ARAP2: variants seen among roughly 807,000 people sequenced by gnomAD.
ARAP2 encodes ArfGAP with RhoGAP domain, ankyrin repeat and PH domain 2.
In ARAP2, 148 loss-of-function variants were observed where a neutral mutation model predicts 194.5. The observed-to-expected ratio is 0.76, with a 90% confidence interval of 0.67 to 0.87. ARAP2 has a LOEUF of 0.87. Ranked by LOEUF, ARAP2 falls within the 40% of genes least tolerant of loss-of-function variation. The probability of loss-of-function intolerance (pLI) is 0.00; values close to 1 mark genes in which losing one functional copy is unlikely to be tolerated. For synonymous variants in ARAP2, 695 were observed against 683.5 expected (o/e 1.02, Z -0.26); for missense variants, 2,128 against 1,989.7 (o/e 1.07, Z -1.32).
chr4:36,194,814 T>C (rs954205897), intron 6 of ARAP2, among the ~76,000 whole-genome samples: 1 of 152,156 alleles, frequency 6.6e-6, no homozygotes, highest in Non-Finnish European at 1.5e-5. Context: ...AATAAGAACA[T>C]GTAAATTTAC....
chr4:36,027,874 G>T (rs1374890791), intron 5 of ARAP2, among the ~76,000 whole-genome samples: 1 of 152,140 alleles, frequency 6.6e-6, no homozygotes, highest in African/African-American at 2.4e-5. Context: ...TTAAGTGAGG[G>T]TGCCTTTTAA....
intron 5 of ARAP2, among the ~76,000 whole-genome samples, chr4:36,038,897 A>G (rs1157684502): frequency 6.6e-6 from 1 of 152,202 alleles, no homozygotes; most frequent in Non-Finnish European, 1.5e-5. Context: ...TTTTGCATTT[A>G]TTTTAATTTT....
intron 28 of ARAP2, among the ~76,000 whole-genome samples, chr4:36,084,706 G>C (rs770895016): frequency 1.3e-5 from 2 of 152,032 alleles, no homozygotes; most frequent in Non-Finnish European, 2.9e-5. Context: ...AAAGCAAATA[G>C]GTTAGGAGGA....
At chr4:36,234,304 C>T (rs1351507041) in intron 1 of ARAP2, among the ~76,000 whole-genome samples, 1 of 152,206 alleles carries the variant, frequency 6.6e-6, no homozygotes, top group Non-Finnish European at 1.5e-5. Flanking sequence ...TGTGTCCTCA[C>T]ATGGCAGAAG....
At chr4:36,044,590 GT>G (rs1721491668) in intron 5 of ARAP2, among the ~76,000 whole-genome samples, 1 of 152,110 alleles carries the variant, frequency 6.6e-6, no homozygotes, top group Non-Finnish European at 1.5e-5. Flanking sequence ...ACCTGAAACT[GT>G]AGAGGAAAAC....
chr4:36,155,329 T>C lies in ARAP2; in HGVS notation c.2752+3401A>G, dbSNP rs577864094. Among the ~76,000 whole-genome samples, 117 of 152,248 alleles carry C rather than the reference T, an allele frequency of 7.7e-4. No homozygotes were observed. The South Asian group carries it at 0.024, about 31-fold the overall frequency. On this transcript the variant is annotated intron_variant, in intron 15 of 32. Transcript: ENST00000303965. The stretch of plus-strand genomic sequence containing the variant: ...AGTGGTAGGACAAACATACACAGCA[T>C]CCTATGAAAGAGAAGGGCTGGCAGT...
chr4:36,159,402 G>A lies in ARAP2; in HGVS notation c.2546C>T (p.Thr849Ile). The change falls in exon 14 of 33, where the codon ACC (threonine) becomes ATC (isoleucine). Residue 849 changes from threonine (T) to isoleucine (I), a missense_variant. Coordinates refer to ENST00000303965, the MANE Select transcript of ARAP2 (RefSeq NM_015230.4). ...MCATGDPVHSTPYLLAKKAGQ... is the reference protein window; with the variant it reads ...MCATGDPVHSIPYLLAKKAGQ... The stretch of plus-strand genomic sequence containing the variant: ...AGCTTTCTTGGCTAGCAGATAGGGG[G>A]TGCTATGCACGGGGTCTCCGGTGGC... 2 of 1,611,568 alleles carry A rather than the reference G, an allele frequency of 1.2e-6. No individual in the cohort carries two copies. Among genetic ancestry groups the A allele is most frequent in the Non-Finnish European group, 1.7e-6 (2 of 1,178,368 alleles).
At chr4:36,168,594 G>A (rs1047358756) in intron 9 of ARAP2, among the ~76,000 whole-genome samples, 3 of 152,112 alleles carry the variant, frequency 2.0e-5, no homozygotes, top group Non-Finnish European at 2.9e-5. Context: ...GTTTCCAGAC[G>A]CAAATTGTGG....
chr4:36,022,752 G>A (rs762690979), intron 5 of ARAP2, among the ~76,000 whole-genome samples: 11 of 152,012 alleles, frequency 7.2e-5, no homozygotes, highest in Non-Finnish European at 1.5e-4. Context: ...CAGACTAAAG[G>A]GTTCAGAAGG....
rs528494312 is a variant in ARAP2, at chr4:36,135,593, C to T, written c.3264-2204G>A. ...TTGCACTAATACACCTGACATGCTA[C>T]AGCCTTTTCATTGATCTTATATCAT... On this transcript the variant is annotated intron_variant, in intron 19 of 32. Transcript: ENST00000303965. 1.4e-4 allele frequency among the ~76,000 whole-genome samples: 21 copies of T among 151,888 alleles called. No homozygotes were observed. In the South Asian group the frequency reaches 2.9e-3, roughly 21 times the overall value.
chr4:36,081,752 G>A (rs1049823483), intron 30 of ARAP2, among the ~76,000 whole-genome samples: 1 of 151,774 alleles, frequency 6.6e-6, no homozygotes, highest in South Asian at 2.1e-4. Context: ...AGGTGGAGGA[G>A]GGGCACAAGG....
rs2109319198 is a variant in ARAP2, at chr4:36,073,795, C to T, written c.4637G>A (p.Gly1546Glu). The T allele has an allele frequency of 6.2e-7, 1 of 1,613,102 alleles. No individual in the cohort carries two copies. The highest frequency in any genetic ancestry group is 2.2e-5 in the East Asian group (1 of 44,860). ...GGTTATTGAACGTTTTCGTTCCTTTCCAGCTGGTGGCCATATATCATATTC... is the reference window on the plus strand; with the variant it reads ...GGTTATTGAACGTTTTCGTTCCTTTTCAGCTGGTGGCCATATATCATATTC... ...QHEYDIWPPA[G>E]KERKRSITKN... The change falls in exon 32 of 33, where the codon GGA becomes GAA. Residue 1546 changes from glycine to glutamate, a missense_variant. By Grantham distance (98) the Gly-to-Glu change is moderately conservative. Transcript: ENST00000303965.
chr4:36,052,820 G>A lies in ARAP2; in HGVS notation n.322-767C>T, dbSNP rs373016673. ...TCTACTAAAAATACAAAAACAAAAT[G>A]AGCCGGGCGTGGTGGCGGGTGCCTG... is the stretch of plus-strand genomic sequence containing the variant. On this transcript the variant is annotated intron_variant and non_coding_transcript_variant, in intron 2 of 12. Transcript: ENST00000503225. 1.9e-4 allele frequency among the ~76,000 whole-genome samples: 29 copies of A among 152,102 alleles called. No individual in the cohort carries two copies. In the East Asian group the frequency reaches 5.1e-3, roughly 27 times the overall value.
intron 28 of ARAP2, among the ~76,000 whole-genome samples, chr4:36,089,551 A>G (rs1262927825): frequency 6.6e-6 from 1 of 152,090 alleles, no homozygotes; most frequent in Non-Finnish European, 1.5e-5. Context: ...CCTTCCACCA[A>G]CAATTTATGT....
chr4:36,068,214 G>C lies in ARAP2; in HGVS notation c.4808C>G (p.Ser1603Cys). The C allele has an allele frequency of 6.2e-7, 1 of 1,612,158 alleles. No homozygotes were observed. The highest frequency in any genetic ancestry group is 8.5e-7 in the Non-Finnish European group (1 of 1,179,270). ...SEKCDKESVD[S>C]SLKERASMVA... ...CATGGAAGCTCTCTCCTTTAAGCTA[G>C]AGTCCACGGACTCTTTATCACACTT... Residue 1603 changes from serine to cysteine, a missense_variant, in exon 33 of 33, where the codon TCT becomes TGT. Coordinates refer to ENST00000303965, the MANE Select transcript of ARAP2 (RefSeq NM_015230.4).
rs570464805 is a variant in ARAP2 at position 36,017,264 on chromosome 4, T to C, written n.751-1306A>G. 1.9e-3 allele frequency among the ~76,000 whole-genome samples: 289 copies of C among 152,024 alleles called. 1 individual carries two copies. The highest frequency in any genetic ancestry group is 6.6e-3 in the African/African-American group (273 of 41,526). On this transcript the variant is annotated intron_variant and non_coding_transcript_variant, in intron 6 of 12. Transcript: ENST00000503225. ...TAAATGAGATAGACTCATTCACTTA[T>C]GTATTTAATAAATGTAGAGAGCCTC...
intron 1 of ARAP2, among the ~76,000 whole-genome samples, chr4:36,059,889 G>A (rs565088542): frequency 1.2e-4 from 19 of 152,058 alleles, no homozygotes; most frequent in Non-Finnish European, 1.3e-4. Context: ...AGCAGTTTTC[G>A]AAGAGTAATG....
In ARAP2 at chr4:36,067,141, CAAT is replaced by C. The variant is rs753094691; in HGVS notation, c.*763_*765del. Reference sequence around the variant, plus strand: ...TAAGTTTCCTCTTAGCAGCCACCAACAATGAGCTCAAACGTAGTGAATCTGTAA... The same window carrying C: ...TAAGTTTCCTCTTAGCAGCCACCAACGAGCTCAAACGTAGTGAATCTGTAA... On this transcript the variant is annotated 3_prime_UTR_variant, in exon 33 of 33. Transcript: ENST00000303965. The C allele has an allele frequency of 3.3e-5, 5 of 152,452 alleles. No homozygotes were observed. The highest frequency in any genetic ancestry group is 6.5e-5 in the Admixed American group (1 of 15,304). The allele number at this position is 152,452 out of a possible 1,614,324, so 9.4% of individuals were successfully genotyped here.
intron 8 of ARAP2, among the ~76,000 whole-genome samples, chr4:36,013,586 A>G (rs1228178682): frequency 6.6e-6 from 1 of 152,244 alleles, no homozygotes; most frequent in Non-Finnish European, 1.5e-5. Context: ...ATTTAGATCA[A>G]GATAGGTTAG....
Sources: allele counts gnomAD v4.1 joint callset (sites outside exome capture counted in the v4.1 genomes callset), GRCh38; gene constraint gnomAD v4.1.1; transcripts MANE v1.5; gene names NCBI Gene and HGNC (gene_info 2026-07-23, HGNC 2026-07-21).